CNTNAP5: variants seen among roughly 807,000 people sequenced by gnomAD.
CNTNAP5 encodes contactin associated protein family member 5, also known as contactin-associated protein-like 5.
In CNTNAP5, 72 loss-of-function variants were observed where a neutral mutation model predicts 150.2. That is an observed-to-expected ratio of 0.48 (90% CI 0.40 to 0.58). CNTNAP5 has a LOEUF of 0.58. Among genes scored for constraint, CNTNAP5 ranks in the 20% least tolerant of loss-of-function variants. The pLI is 0.00. For missense variants in CNTNAP5, 1,636 were observed against 1,626.2 expected, an observed-to-expected ratio of 1.01 and a Z score of -0.10; for synonymous variants, 672 against 619.8, an observed-to-expected ratio of 1.08 and a Z score of -1.25.
chr2:124,793,178 A>C (rs1006035571), intron 18 of CNTNAP5, among the ~76,000 whole-genome samples: 1 of 152,116 alleles, frequency 6.6e-6, no homozygotes, highest in Admixed American at 6.5e-5. Flanking sequence ...CAATTTCTTC[A>C]TCTTCTTGCC....
At chr2:124,163,499 G>T (rs1481854772) in intron 1 of CNTNAP5, among the ~76,000 whole-genome samples, 1 of 152,094 alleles carries the variant, frequency 6.6e-6, no homozygotes, top group Non-Finnish European at 1.5e-5. Context: ...TCTACATGAA[G>T]ATGCTTCAGG....
chr2:124,571,371 A>C (rs1181600366), intron 11 of CNTNAP5, among the ~76,000 whole-genome samples: 8 of 152,102 alleles, frequency 5.3e-5, no homozygotes, highest in Admixed American at 5.2e-4. Flanking sequence ...AGACTCAAGA[A>C]GAGATACAAT....
chr2:124,458,748 A>G (rs1035074741), intron 6 of CNTNAP5, among the ~76,000 whole-genome samples: 1 of 152,236 alleles, frequency 6.6e-6, no homozygotes, highest in African/African-American at 2.4e-5. Context: ...AATTTTTTAA[A>G]AAAACAGGTA....
chr2:124,609,696 G>A (rs1677337139), intron 11 of CNTNAP5, 105 bp from the exon 12 acceptor site: 1 of 1,256,938 alleles, frequency 8.0e-7, no homozygotes, highest in South Asian at 1.6e-5. Flanking sequence ...ATAGAAGGAG[G>A]GAAATGAATA....
At chr2:124,644,255 A>C (rs529682404) in intron 12 of CNTNAP5, among the ~76,000 whole-genome samples, 1 of 152,342 alleles carries the variant, frequency 6.6e-6, no homozygotes, top group Non-Finnish European at 1.5e-5. Flanking sequence ...AGCAGGCATC[A>C]GGAGTATCTG....
At position 124,505,961 on chromosome 2, in the gene CNTNAP5, A is replaced by G. The variant is rs553447835; in HGVS notation, c.1327+1405A>G. 2.6e-5 allele frequency among the ~76,000 whole-genome samples: 4 copies of G among 152,334 alleles called. No homozygotes were observed. In the South Asian group the frequency reaches 8.3e-4, roughly 32 times the overall value. ...ATTTAATTTAGATGCCTTTTTCTCA[A>G]CTGGACTGCATGGTTCTTTTATCCA... On this transcript the variant is annotated intron_variant, in intron 8 of 23. Coordinates refer to ENST00000682447, the MANE Select transcript of CNTNAP5 (RefSeq NM_001367498.1).
chr2:124,195,790 C>T (rs1440911594), intron 1 of CNTNAP5, among the ~76,000 whole-genome samples: 1 of 152,084 alleles, frequency 6.6e-6, no homozygotes, highest in Non-Finnish European at 1.5e-5. Flanking sequence ...AAGGATTGTC[C>T]TAACTCAAGA....
chr2:124,113,761 G>C (rs540476688), intron 1 of CNTNAP5, among the ~76,000 whole-genome samples: 1 of 151,594 alleles, frequency 6.6e-6, no homozygotes, highest in African/African-American at 2.4e-5. Flanking sequence ...AAGCCTTATT[G>C]TTTTACCTTT....
intron 17 of CNTNAP5, among the ~76,000 whole-genome samples, chr2:124,773,783 G>GTC (rs971879314): frequency 2.0e-5 from 3 of 152,066 alleles, no homozygotes; most frequent in African/African-American, 7.3e-5. Context: ...GTGTGTGTGT[G>GTC]TTTCACAGAG....
At chr2:124,427,078 A>G (rs1255494446) in intron 4 of CNTNAP5, among the ~76,000 whole-genome samples, 1 of 152,216 alleles carries the variant, frequency 6.6e-6, no homozygotes, top group East Asian at 1.9e-4. Flanking sequence ...CGATTTTGAA[A>G]AAAGGGGAAG....
chr2:124,370,637 C>T (rs982613995), intron 3 of CNTNAP5, among the ~76,000 whole-genome samples: 1 of 152,124 alleles, frequency 6.6e-6, no homozygotes, highest in African/African-American at 2.4e-5. Flanking sequence ...GAAGTACAAA[C>T]TGCTGGTTAT....
chr2:124,282,617 G>T (rs1688040566), intron 3 of CNTNAP5, among the ~76,000 whole-genome samples: 1 of 146,946 alleles, frequency 6.8e-6, no homozygotes. Context: ...TTCAGGTGAA[G>T]GACTTTTTTT....
intron 3 of CNTNAP5, among the ~76,000 whole-genome samples, chr2:124,403,536 T>C (rs1474788654): frequency 2.6e-5 from 4 of 152,212 alleles, no homozygotes; most frequent in Non-Finnish European, 5.9e-5. Flanking sequence ...TGTTTGTAAA[T>C]TGACTGATTT....
At chr2:124,639,160 G>C (rs1199992190) in intron 12 of CNTNAP5, among the ~76,000 whole-genome samples, 2 of 152,162 alleles carry the variant, frequency 1.3e-5, no homozygotes, top group Non-Finnish European at 2.9e-5. Context: ...TTCTGAGACA[G>C]GTTTTCATAT....
chr2:124,877,935 C>A (rs1439599327), intron 21 of CNTNAP5, among the ~76,000 whole-genome samples: 1 of 151,976 alleles, frequency 6.6e-6, no homozygotes, highest in Non-Finnish European at 1.5e-5. Flanking sequence ...CTGGTCATTA[C>A]CCAGGGAGAT....
At chr2:124,507,827 T>G (rs12611706) in intron 8 of CNTNAP5, among the ~76,000 whole-genome samples, 35,230 of 152,088 alleles carry the variant, frequency 0.23, 4,413 homozygotes, top group South Asian at 0.42. Flanking sequence ...GTGAAATATT[T>G]TAGTTTCTTT....
At chr2:124,294,745 GCACTTT>G (rs1688378930) in intron 3 of CNTNAP5, among the ~76,000 whole-genome samples, 1 of 152,182 alleles carries the variant, frequency 6.6e-6, no homozygotes, top group South Asian at 2.1e-4. Context: ...CAAAAAATTC[GCACTTT>G]CACTTTAATG....
chr2:124,742,011 G>A (rs777697261), intron 13 of CNTNAP5, among the ~76,000 whole-genome samples: 3 of 152,122 alleles, frequency 2.0e-5, no homozygotes, highest in Non-Finnish European at 4.4e-5. Flanking sequence ...ATAGAAACCT[G>A]CAGCTGGCAA....
chr2:124,077,044 T>C (rs1161000811), intron 1 of CNTNAP5, among the ~76,000 whole-genome samples: 1 of 152,150 alleles, frequency 6.6e-6, no homozygotes, highest in Non-Finnish European at 1.5e-5. Context: ...TTGTTACTAT[T>C]AAGTGGCTGA....
Sources: allele counts gnomAD v4.1 joint callset (sites outside exome capture counted in the v4.1 genomes callset), GRCh38; gene constraint gnomAD v4.1.1; transcripts MANE v1.5; gene names NCBI Gene and HGNC (gene_info 2026-07-23, HGNC 2026-07-21).